The following BBS9 variants were observed in gnomAD, a reference collection of about 807,000 sequenced individuals.
BBS9 encodes the protein protein PTHB1.
A neutral mutation model predicts 117.7 loss-of-function variants in BBS9; 89 were observed. The ratio of observed to expected loss-of-function variants is 0.76; its 90% CI spans 0.64 to 0.90. The LOEUF (loss-of-function observed/expected upper bound fraction) is 0.90. Ranked by LOEUF, BBS9 falls within the 40% of genes least tolerant of loss-of-function variation. The pLI, the probability that BBS9 is intolerant of heterozygous loss-of-function variation, is 0.00. For synonymous variants in BBS9, 379 were observed against 370.9 expected, an observed-to-expected ratio of 1.02 and a Z score of -0.25; for missense variants, 982 against 1,042.2, an observed-to-expected ratio of 0.94 and a Z score of 0.80.
intron 19 of BBS9, among the ~76,000 whole-genome samples, chr7:33,472,235 A>G (rs1470449657): frequency 2.0e-5 from 3 of 152,214 alleles, no homozygotes; most frequent in African/African-American, 7.2e-5. Flanking sequence ...GAAGATGTCC[A>G]GGTAAGTTTA....
intron 19 of BBS9, among the ~76,000 whole-genome samples, chr7:33,492,214 C>A (rs10951389): frequency 0.55 from 59,647 of 108,696 alleles, 17,632 homozygotes; most frequent in African/African-American, 0.79. Context: ...AAAAAAAAAA[C>A]AAAAAAAAAA....
In BBS9 at chr7:33,595,033, A is replaced by C. The variant is rs150414745; in HGVS notation, c.2522-9832A>C. ...GGACCCCTTCCTTAGACCTTACATA[A>C]AAATTAACTCAAGATAGATTAAAGA... On this transcript the variant is annotated intron_variant, in intron 21 of 22. Transcript: ENST00000242067. 9.2e-3 allele frequency among the ~76,000 whole-genome samples: 1,399 copies of C among 152,254 alleles called. 13 individuals carry two copies. The highest frequency in any genetic ancestry group is 0.02 in the Middle Eastern group (6 of 294).
At chr7:33,173,049 T>G (rs1364248707) in intron 4 of BBS9, among the ~76,000 whole-genome samples, 1 of 152,188 alleles carries the variant, frequency 6.6e-6, no homozygotes, top group Non-Finnish European at 1.5e-5. Flanking sequence ...AAAGGCATAT[T>G]TTAGTTCAAT....
intron 15 of BBS9, among the ~76,000 whole-genome samples, chr7:33,353,133 A>G (rs1381757559): frequency 6.6e-6 from 1 of 152,176 alleles, no homozygotes; most frequent in Non-Finnish European, 1.5e-5. Context: ...TTTGAAAAAT[A>G]TTAAAGGTGT....
chr7:33,362,970 T>C (rs746119857), intron 16 of BBS9, among the ~76,000 whole-genome samples: 18 of 152,338 alleles, frequency 1.2e-4, no homozygotes, highest in Non-Finnish European at 2.4e-4. Flanking sequence ...TGTTTCTCTC[T>C]GTGAGGGTTG....
intron 9 of BBS9, among the ~76,000 whole-genome samples, chr7:33,288,432 T>A (rs954578895): frequency 6.6e-6 from 1 of 152,168 alleles, no homozygotes; most frequent in African/African-American, 2.4e-5. Context: ...AAGTAGAAGA[T>A]GACAAAATGT....
At chr7:33,232,894 T>C (rs1041433979) in intron 5 of BBS9, among the ~76,000 whole-genome samples, 1 of 152,158 alleles carries the variant, frequency 6.6e-6, no homozygotes, top group African/African-American at 2.4e-5. Context: ...TGTGTTTTGG[T>C]GTAGGCAAAT....
chr7:33,596,257 AACACACAC>A (rs777940429), intron 21 of BBS9, among the ~76,000 whole-genome samples: 2,081 of 118,826 alleles, frequency 0.018, 57 homozygotes, highest in African/African-American at 0.068. Context: ...ACAGAACAGA[AACACACAC>A]ACACACACAC....
At chr7:33,172,650 T>C (rs895122560) in intron 4 of BBS9, among the ~76,000 whole-genome samples, 1 of 152,262 alleles carries the variant, frequency 6.6e-6, no homozygotes, top group Non-Finnish European at 1.5e-5. Flanking sequence ...TAAATAGTTT[T>C]CCTTTTCCCT....
At chr7:33,156,952 T>G (rs11766506) in intron 4 of BBS9, among the ~76,000 whole-genome samples, 24,618 of 152,090 alleles carry the variant, frequency 0.16, 2,137 homozygotes, top group South Asian at 0.21. Context: ...ATTGCATGGA[T>G]CTAGTTGTTC....
intron 19 of BBS9, among the ~76,000 whole-genome samples, chr7:33,472,138 A>T (rs1394867359): frequency 6.6e-6 from 1 of 152,190 alleles, no homozygotes; most frequent in Non-Finnish European, 1.5e-5. Context: ...AGGGTGTAGG[A>T]GTGATTGCTC....
intron 9 of BBS9, among the ~76,000 whole-genome samples, chr7:33,303,558 G>A (rs1807026852): frequency 1.7e-5 from 2 of 117,718 alleles, no homozygotes; most frequent in South Asian, 2.7e-4. Flanking sequence ...TCCCTCTGTT[G>A]CCGAGGCTGG....
At chr7:33,552,661 T>A (rs752950236) in intron 21 of BBS9, among the ~76,000 whole-genome samples, 5 of 152,210 alleles carry the variant, frequency 3.3e-5, no homozygotes, top group Non-Finnish European at 7.3e-5. Flanking sequence ...TCGTATCTCA[T>A]TCCCAACAGA....
chr7:33,349,823 G>A (rs1325063152), intron 13 of BBS9, among the ~76,000 whole-genome samples: 1 of 152,104 alleles, frequency 6.6e-6, no homozygotes, highest in East Asian at 1.9e-4. Flanking sequence ...GAATTAATAT[G>A]GACTTTGGAG....
intron 21 of BBS9, among the ~76,000 whole-genome samples, chr7:33,620,688 C>G (rs944734890): frequency 2.0e-5 from 3 of 152,062 alleles, no homozygotes; most frequent in Non-Finnish European, 4.4e-5. Flanking sequence ...AGATTCAATA[C>G]AAACCCATCA....
At chr7:33,130,281 G>A (rs1365791228) in intron 1 of BBS9, among the ~76,000 whole-genome samples, 1 of 152,174 alleles carries the variant, frequency 6.6e-6, no homozygotes, top group East Asian at 1.9e-4. Context: ...ATGTCACTTG[G>A]AGCATGAGCA....
intron 4 of BBS9, among the ~76,000 whole-genome samples, chr7:33,165,612 C>T (rs1055496303): frequency 6.6e-6 from 1 of 151,992 alleles, no homozygotes; most frequent in African/African-American, 2.4e-5. Flanking sequence ...CTTTCTTCCA[C>T]TTGATTGAAT....
chr7:33,301,709 G>A (rs913039989), intron 9 of BBS9, among the ~76,000 whole-genome samples: 2 of 152,012 alleles, frequency 1.3e-5, no homozygotes, highest in African/African-American at 4.8e-5. Context: ...CCAAACTTTG[G>A]CTATTGTGAA....
chr7:33,460,908 C>G (rs1443945481), intron 19 of BBS9, among the ~76,000 whole-genome samples: 1 of 152,014 alleles, frequency 6.6e-6, no homozygotes, highest in Non-Finnish European at 1.5e-5. Flanking sequence ...TTTCCCTAGA[C>G]CCTGGCAACT....
Sources: gnomAD v4.1 joint callset for allele counts (sites outside exome capture counted in the v4.1 genomes callset) on GRCh38, gnomAD v4.1.1 for gene constraint, MANE v1.5 for transcripts, NCBI Gene and HGNC (gene_info 2026-07-23, HGNC 2026-07-21) for gene names.